VPS45: variants seen among roughly 807,000 people sequenced by gnomAD.
VPS45 encodes the protein vacuolar protein sorting 45 homolog.
VPS45 carries 35 observed loss-of-function variants against 75.9 expected under a neutral mutation model. That is an observed-to-expected ratio of 0.46 (90% CI 0.35 to 0.61). The LOEUF (loss-of-function observed/expected upper bound fraction) is 0.61. VPS45 is among the 20% of genes least tolerant of loss of function. The probability of loss-of-function intolerance (pLI) is 0.00; values close to 1 mark genes in which losing one functional copy is unlikely to be tolerated. For missense variants in VPS45, 559 were observed against 685.9 expected (o/e 0.81, Z 2.07); for synonymous variants, 220 against 238.2 (o/e 0.92, Z 0.70).
intron 2 of VPS45, among the ~76,000 whole-genome samples, chr1:150,071,419 G>T (rs1643019895): frequency 6.6e-6 from 1 of 152,152 alleles, no homozygotes; most frequent in Non-Finnish European, 1.5e-5. Flanking sequence ...AAAAGCCAAA[G>T]TGAATATAAT....
chr1:150,089,863 C>T (rs1656236046), intron 10 of VPS45, among the ~76,000 whole-genome samples: 1 of 152,220 alleles, frequency 6.6e-6, no homozygotes, highest in African/African-American at 2.4e-5. Flanking sequence ...AATTTGGGAT[C>T]GAAATCTACA....
intron 14 of VPS45, among the ~76,000 whole-genome samples, chr1:150,140,591 C>G (rs1478195840): frequency 1.3e-5 from 2 of 151,130 alleles, no homozygotes; most frequent in African/African-American, 4.9e-5. Flanking sequence ...TTTTTTTTTA[C>G]TTTCTTCATT....
At chr1:150,114,901 T>A (rs1553807947) in intron 14 of VPS45, among the ~76,000 whole-genome samples, 1 of 23,568 alleles carries the variant, frequency 4.2e-5, no homozygotes, top group Non-Finnish European at 8.7e-5. Context: ...CAAGACCCTG[T>A]CTTAAAAAAA....
intron 14 of VPS45, 116 bp downstream of exon 14, chr1:150,110,743 T>C (rs1657606427): frequency 9.6e-7 from 1 of 1,042,906 alleles, no homozygotes; most frequent in African/African-American, 1.6e-5. Flanking sequence ...AGACTGAAAT[T>C]CTCTGGTGTT....
At chr1:150,083,879 A>G (rs983857908) in intron 10 of VPS45, among the ~76,000 whole-genome samples, 3 of 152,170 alleles carry the variant, frequency 2.0e-5, no homozygotes, top group Admixed American at 1.3e-4. Flanking sequence ...TTTTAGAAGA[A>G]TAGCAACATA....
chr1:150,114,112 A>G (rs1227066375), intron 14 of VPS45, among the ~76,000 whole-genome samples: 1 of 152,076 alleles, frequency 6.6e-6, no homozygotes, highest in East Asian at 1.9e-4. Flanking sequence ...TTACTCACAT[A>G]TTTGCCCCCT....
intron 4 of VPS45, 38 bp downstream of exon 4, chr1:150,076,350 G>A: frequency 2.0e-6 from 3 of 1,508,326 alleles, no homozygotes; most frequent in East Asian, 2.4e-5. Flanking sequence ...TCGTATGTTG[G>A]CCCTTTTTAA....
At chr1:150,092,560 A>G (rs1656390784) in intron 12 of VPS45, 151 bp downstream of exon 12, 2 of 587,736 alleles carry the variant, frequency 3.4e-6, no homozygotes, top group African/African-American at 1.9e-5. Flanking sequence ...CATCCTCTTG[A>G]AAGCTTTTTC....
In VPS45 at chr1:150,144,990, C is replaced by T; in HGVS notation, c.*194C>T. Reference sequence around the variant, plus strand: ...GTCCTAACAATAAGTCTGAGCCCATCTCAACCCACTTTTCTCCGGTAGTCT... The same window carrying T: ...GTCCTAACAATAAGTCTGAGCCCATTTCAACCCACTTTTCTCCGGTAGTCT... On this transcript the variant is annotated 3_prime_UTR_variant, in exon 15 of 15. Coordinates refer to ENST00000644510, the MANE Select transcript of VPS45 (RefSeq NM_007259.5). 1.4e-6 allele frequency: 2 copies of T among 1,428,470 alleles called. No homozygotes were observed. Among genetic ancestry groups the T allele is most frequent in the Non-Finnish European group, 1.9e-6 (2 of 1,063,118 alleles). 88.5% of individuals were successfully genotyped at this position (1,428,470 alleles called of 1,614,324 possible).
rs587765254 is a variant in VPS45 at position 150,100,472 on chromosome 1, GA to G, written c.1493+6830del. On this transcript the variant is annotated intron_variant, in intron 13 of 14. Transcript: ENST00000644510. Reference sequence around the variant, plus strand: ...ACCAATGACATTCTTCACAGAACTAGAAAAAATTATTTTAAAATTCATATGG... The same window carrying G: ...ACCAATGACATTCTTCACAGAACTAGAAAAATTATTTTAAAATTCATATGG... Among the ~76,000 whole-genome samples, 862 of 152,166 alleles carry G rather than the reference GA, an allele frequency of 5.7e-3. 13 individuals carry two copies. The highest frequency in any genetic ancestry group is 0.02 in the African/African-American group (822 of 41,520).
At chr1:150,140,676 T>C (rs1013463182) in intron 14 of VPS45, among the ~76,000 whole-genome samples, 13 of 152,110 alleles carry the variant, frequency 8.5e-5, no homozygotes, top group Non-Finnish European at 5.9e-5. Context: ...TCAAATTATG[T>C]TATTTCTGGA....
intron 14 of VPS45, among the ~76,000 whole-genome samples, chr1:150,140,183 C>T (rs1553814930): frequency 2.0e-5 from 3 of 152,180 alleles, no homozygotes; most frequent in African/African-American, 7.2e-5. Context: ...GGATTACAGG[C>T]GTGAGCCACC....
chr1:150,137,545 G>A (rs782561283), intron 14 of VPS45, among the ~76,000 whole-genome samples: 8 of 152,192 alleles, frequency 5.3e-5, no homozygotes, highest in South Asian at 2.1e-4. Flanking sequence ...CACCTACACC[G>A]GGATATCTCT....
chr1:150,131,499 G>A (rs1222820529), intron 14 of VPS45, among the ~76,000 whole-genome samples: 2 of 151,144 alleles, frequency 1.3e-5, no homozygotes, highest in East Asian at 3.9e-4. Context: ...CAACAAGAGC[G>A]AAACTCCATC....
intron 14 of VPS45, among the ~76,000 whole-genome samples, chr1:150,116,081 C>T (rs188616568): frequency 6.6e-6 from 1 of 152,252 alleles, no homozygotes; most frequent in Admixed American, 6.5e-5. Flanking sequence ...AGATAATTTT[C>T]ACCTTATATA....
chr1:150,098,933 A>C, intron 13 of VPS45: 1 of 1,217,040 alleles, frequency 8.2e-7, no homozygotes, highest in Non-Finnish European at 1.0e-6. Flanking sequence ...TTCCAGAATC[A>C]GTCAATTCAA....
chr1:150,129,002 C>T (rs1216974870), intron 14 of VPS45, among the ~76,000 whole-genome samples: 3 of 127,944 alleles, frequency 2.3e-5, no homozygotes, highest in Non-Finnish European at 4.9e-5. Context: ...GGATTACAGG[C>T]GTGAGCCACT....
intron 14 of VPS45, among the ~76,000 whole-genome samples, chr1:150,124,418 C>T (rs1198025146): frequency 6.6e-6 from 1 of 151,940 alleles, no homozygotes; most frequent in Non-Finnish European, 1.5e-5. Flanking sequence ...GAGATCGCGC[C>T]ACTGCACTCC....
intron 14 of VPS45, among the ~76,000 whole-genome samples, chr1:150,129,669 C>A (rs1180783646): frequency 6.6e-6 from 1 of 151,662 alleles, no homozygotes; most frequent in Non-Finnish European, 1.5e-5. Context: ...AAGCGATTCT[C>A]CTGCCTCAGC....
Sources: allele counts gnomAD v4.1 joint callset (sites outside exome capture counted in the v4.1 genomes callset), GRCh38; gene constraint gnomAD v4.1.1; transcripts MANE v1.5; gene names NCBI Gene and HGNC (gene_info 2026-07-23, HGNC 2026-07-21).